Variants in COX10 observed in about 807,000 individuals in gnomAD.
COX10 encodes cytochrome c oxidase assembly factor heme A:farnesyltransferase COX10, also known as protoheme IX farnesyltransferase, mitochondrial.
COX10 carries 27 observed loss-of-function variants against 37.3 expected under a neutral mutation model. The ratio of observed to expected loss-of-function variants is 0.72; its 90% CI spans 0.53 to 1.00. The LOEUF (loss-of-function observed/expected upper bound fraction) is 1.00. Among genes scored for constraint, COX10 ranks in the 50% least tolerant of loss-of-function variants. COX10 has a pLI of 0.00. For missense variants in COX10, 475 were observed against 563.2 expected, an observed-to-expected ratio of 0.84 and a Z score of 1.59; for synonymous variants, 222 against 229.1, an observed-to-expected ratio of 0.97 and a Z score of 0.28.
chr17:14,155,833 C>T (rs1434173094), intron 4 of COX10, among the ~76,000 whole-genome samples: 1 of 152,152 alleles, frequency 6.6e-6, no homozygotes, highest in Non-Finnish European at 1.5e-5. Context: ...GCTTCCTCTT[C>T]ATCTCCACTG....
intron 5 of COX10, among the ~76,000 whole-genome samples, chr17:14,160,205 T>G (rs1360599319): frequency 6.6e-6 from 1 of 152,206 alleles, no homozygotes; most frequent in Admixed American, 6.5e-5. Context: ...AATTCCACTT[T>G]GAAGCATAGA....
At chr17:14,155,052 T>C (rs1028385389) in intron 4 of COX10, among the ~76,000 whole-genome samples, 1 of 152,152 alleles carries the variant, frequency 6.6e-6, no homozygotes, top group African/African-American at 2.4e-5. Flanking sequence ...GCAAGTAATT[T>C]GATGATGTTT....
In COX10 at chr17:14,102,159, C is replaced by G; in HGVS notation, c.541C>G (p.Pro181Ala). 1 of 1,613,764 alleles carries G rather than the reference C, an allele frequency of 6.2e-7. No individual in the cohort carries two copies. The highest frequency in any genetic ancestry group is 8.5e-7 in the Non-Finnish European group (1 of 1,179,772). The change falls in exon 4 of 7, where the codon CCG becomes GCG. Residue 181 changes from proline to alanine, a missense_variant. By Grantham distance (27) the Pro-to-Ala change is conservative. Transcript: ENST00000261643. ...CACTGCAGCTGGATTTGCATTGGCT[C>G]CGGGCCCTTTTGACTGGCCCTGTTT... Reference protein sequence around the residue: ...STTAAGFALAPGPFDWPCFLL... With the variant: ...STTAAGFALAAGPFDWPCFLL...
intron 4 of COX10, among the ~76,000 whole-genome samples, chr17:14,118,419 A>T (rs983766672): frequency 9.9e-5 from 15 of 152,268 alleles, no homozygotes; most frequent in East Asian, 3.9e-4. Context: ...GTTTCAGATG[A>T]GGTTAAGAAT....
chr17:14,069,543 C>CCGGCGT lies in COX10; in HGVS notation c.-62_-61insGGCGTC. 1 of 1,599,900 alleles carries CCGGCGT rather than the reference C, an allele frequency of 6.3e-7. No homozygotes were observed. Among genetic ancestry groups the CCGGCGT allele is most frequent in the Non-Finnish European group, 8.5e-7 (1 of 1,169,666 alleles). ...GGGGCGGGGAAGGAAGATGGCGGCG[C>CCGGCGT]CCAGCGTCCCGTGAGGAGAGAGGAC... On this transcript the variant is annotated 5_prime_UTR_variant, in exon 1 of 7. Coordinates refer to ENST00000261643, the MANE Select transcript of COX10 (RefSeq NM_001303.4).
intron 1 of COX10, among the ~76,000 whole-genome samples, chr17:14,074,009 T>C (rs935990918): frequency 5.3e-5 from 8 of 152,218 alleles, no homozygotes; most frequent in African/African-American, 1.7e-4. Context: ...AAAAATTGAC[T>C]GAACGGGTTG....
chr17:14,167,333 C>T (rs1324955007), intron 5 of COX10, among the ~76,000 whole-genome samples: 2 of 152,180 alleles, frequency 1.3e-5, no homozygotes, highest in African/African-American at 4.8e-5. Context: ...ATGCTGTGAA[C>T]ATTGTTGAAA....
chr17:14,136,575 CTTAT>C (rs1567599347), intron 4 of COX10, among the ~76,000 whole-genome samples: 1 of 151,910 alleles, frequency 6.6e-6, no homozygotes, highest in Non-Finnish European at 1.5e-5. Flanking sequence ...GAATCCTGTA[CTTAT>C]TTGTTTCTTT....
chr17:14,074,015 G>A (rs1410676016), intron 1 of COX10, among the ~76,000 whole-genome samples: 1 of 151,936 alleles, frequency 6.6e-6, no homozygotes, highest in Non-Finnish European at 1.5e-5. Flanking sequence ...TGACTGAACG[G>A]GTTGTTTTAT....
rs571024952 is a variant in COX10 at position 14,107,492 on chromosome 17, T to G, written c.624+5250T>G. On this transcript the variant is annotated intron_variant, in intron 4 of 6. Transcript: ENST00000261643. ...TGTAAATGAGATGTAAAAATATCTT[T>G]GTATCAAAACAAATCTCCTCTTTGG... Among the ~76,000 whole-genome samples, 4 of 152,252 alleles carry G rather than the reference T, an allele frequency of 2.6e-5. No individual in the cohort carries two copies. The East Asian group carries it at 7.7e-4, about 29-fold the overall frequency.
intron 5 of COX10, among the ~76,000 whole-genome samples, chr17:14,179,900 C>A (rs1266555743): frequency 6.6e-6 from 1 of 151,688 alleles, no homozygotes; most frequent in African/African-American, 2.4e-5. Context: ...TAAATTAAAA[C>A]ACTTGGAATT....
At chr17:14,136,353 T>C (rs1267091882) in intron 4 of COX10, among the ~76,000 whole-genome samples, 2 of 152,044 alleles carry the variant, frequency 1.3e-5, no homozygotes, top group Non-Finnish European at 2.9e-5. Context: ...ACTTATTCAT[T>C]TGAGTTTTGA....
intron 6 of COX10, 117 bp from the exon 7 acceptor site, chr17:14,206,693 C>T: frequency 6.8e-6 from 9 of 1,314,336 alleles, no homozygotes; most frequent in Non-Finnish European, 9.8e-6. Context: ...GATGAGAGCA[C>T]AGGGTGGCAG....
intron 5 of COX10, among the ~76,000 whole-genome samples, chr17:14,178,589 G>A: frequency 6.7e-6 from 1 of 148,626 alleles, no homozygotes; most frequent in South Asian, 2.2e-4. Context: ...CCTTTTTGTA[G>A]CCGACTTCTG....
At chr17:14,151,642 T>G (rs1904900549) in intron 4 of COX10, among the ~76,000 whole-genome samples, 1 of 151,982 alleles carries the variant, frequency 6.6e-6, no homozygotes, top group South Asian at 2.1e-4. Context: ...TTACAAGCAT[T>G]TAAATCACTT....
At position 14,114,707 on chromosome 17, in the gene COX10, T is replaced by C. The variant is rs996926144; in HGVS notation, c.624+12465T>C. 1.2e-4 allele frequency among the ~76,000 whole-genome samples: 19 copies of C among 152,242 alleles called. 1 individual carries two copies. Among genetic ancestry groups the C allele is most frequent in the Admixed American group, 1.2e-3 (18 of 15,274 alleles). ...TATAGTCATATCCATATAGAACTCT[T>C]AGTTGTTAGATAGAAAACACCTAAA... is the stretch of plus-strand genomic sequence containing the variant. On this transcript the variant is annotated intron_variant, in intron 4 of 6. Transcript: ENST00000261643.
chr17:14,131,078 TTGTGAAG>T, intron 4 of COX10, among the ~76,000 whole-genome samples: 1 of 152,286 alleles, frequency 6.6e-6, no homozygotes, highest in East Asian at 1.9e-4. Context: ...TGAATTTTTA[TTGTGAAG>T]TGTAATTTGG....
At chr17:14,199,567 G>T (rs1417667401) in intron 6 of COX10, among the ~76,000 whole-genome samples, 1 of 152,174 alleles carries the variant, frequency 6.6e-6, no homozygotes, top group Non-Finnish European at 1.5e-5. Flanking sequence ...ACACAATGAG[G>T]TGAAGGAGAG....
intron 6 of COX10, among the ~76,000 whole-genome samples, chr17:14,202,027 C>G (rs532111693): frequency 1.3e-5 from 2 of 152,202 alleles, no homozygotes; most frequent in South Asian, 4.2e-4. Flanking sequence ...AATTCCCTAG[C>G]AGTACTCACT....
Sources: allele counts gnomAD v4.1 joint callset (sites outside exome capture counted in the v4.1 genomes callset), GRCh38; gene constraint gnomAD v4.1.1; transcripts MANE v1.5; gene names NCBI Gene and HGNC (gene_info 2026-07-23, HGNC 2026-07-21).